RAD50: variants seen among roughly 807,000 people sequenced by gnomAD.
RAD50 encodes RAD50 double strand break repair protein.
In RAD50, 132 loss-of-function variants were observed where a neutral mutation model predicts 168.8. The observed-to-expected ratio is 0.78, with a 90% CI of 0.68 to 0.90. The LOEUF (loss-of-function observed/expected upper bound fraction) is 0.90, where lower values mean the gene tolerates loss of function less well. RAD50 is among the 40% of genes least tolerant of loss of function. RAD50 has a pLI of 0.00. For missense variants in RAD50, 1,347 were observed against 1,534.4 expected (o/e 0.88, Z 2.04); for synonymous variants, 525 against 497.4 (o/e 1.06, Z -0.74).
At chr5:132,593,260 C>T (rs1750736271) in intron 11 of RAD50, 1 of 170,568 alleles carries the variant, frequency 5.9e-6, no homozygotes, top group African/African-American at 2.4e-5. Flanking sequence ...AATTGGGGCT[C>T]TTTTCAAACT....
At chr5:132,614,946 C>T (rs1217240269) in intron 19 of RAD50, among the ~76,000 whole-genome samples, 1 of 152,154 alleles carries the variant, frequency 6.6e-6, no homozygotes, top group Admixed American at 6.5e-5. Context: ...CTGGCCTTTA[C>T]TGTTGGTGCA....
chr5:132,580,867 T>C (rs1750492245), intron 5 of RAD50, among the ~76,000 whole-genome samples: 1 of 152,172 alleles, frequency 6.6e-6, no homozygotes, highest in Non-Finnish European at 1.5e-5. Flanking sequence ...AGATAGTAGA[T>C]TTTTTAAAGT....
At chr5:132,636,358 C>T (rs1451744118) in intron 21 of RAD50, among the ~76,000 whole-genome samples, 1 of 152,124 alleles carries the variant, frequency 6.6e-6, no homozygotes, top group East Asian at 1.9e-4. Flanking sequence ...GAGTTGAGGA[C>T]AGGGACATGT....
chr5:132,576,148 C>A (rs1411603429), intron 3 of RAD50, among the ~76,000 whole-genome samples: 3 of 152,162 alleles, frequency 2.0e-5, no homozygotes, highest in Non-Finnish European at 4.4e-5. Flanking sequence ...ACAGCCTCCT[C>A]CACTATGAAC....
intron 13 of RAD50, among the ~76,000 whole-genome samples, chr5:132,601,992 TA>T (rs553759738): frequency 1.1e-3 from 165 of 152,002 alleles, no homozygotes; most frequent in African/African-American, 3.6e-3. Flanking sequence ...GGTGGGGGGC[TA>T]GGGGAGGGAT....
chr5:132,641,691 G>A (rs1751724564), intron 24 of RAD50: 1 of 159,994 alleles, frequency 6.3e-6, no homozygotes, highest in African/African-American at 2.4e-5. Context: ...GTGACTGGTG[G>A]TGGCAGAATT....
At chr5:132,613,114 C>T (rs1364596713) in intron 19 of RAD50, among the ~76,000 whole-genome samples, 4 of 151,884 alleles carry the variant, frequency 2.6e-5, no homozygotes. Flanking sequence ...TTTTATGTTT[C>T]CATAGGTGAC....
At chr5:132,568,584 G>A (rs1750249755) in intron 2 of RAD50, among the ~76,000 whole-genome samples, 1 of 152,152 alleles carries the variant, frequency 6.6e-6, no homozygotes, top group Non-Finnish European at 1.5e-5. Context: ...CTTAAAAACA[G>A]GTGGAGGAAA....
intron 2 of RAD50, among the ~76,000 whole-genome samples, chr5:132,563,255 A>C (rs115731452): frequency 2.4e-3 from 365 of 152,280 alleles, no homozygotes; most frequent in African/African-American, 8.6e-3. Context: ...AGGAGAGGGG[A>C]TAATTACAGA....
Position 132,645,933 on chromosome 5 carries a change from A to T in RAD50, c.*3569A>T, listed in dbSNP as rs1047747395. 2.6e-5 allele frequency: 4 copies of T among 152,054 alleles called. No homozygotes were observed. Among genetic ancestry groups the T allele is most frequent in the Admixed American group, 6.6e-5 (1 of 15,266 alleles). 9.4% of individuals were successfully genotyped at this position (152,054 alleles called of 1,614,324 possible). ...CATCCCATCTTTACATAAAATTTTT[A>T]AAAAATTAGCAAGGCATGGTGGTGC... is the stretch of plus-strand genomic sequence containing the variant. On this transcript the variant is annotated 3_prime_UTR_variant, in exon 25 of 25. Coordinates refer to ENST00000378823, the MANE Select transcript of RAD50 (RefSeq NM_005732.4).
chr5:132,595,519 A>C, intron 12 of RAD50, 54 bp from the exon 13 acceptor site: 1 of 1,155,658 alleles, frequency 8.7e-7, no homozygotes, highest in South Asian at 1.3e-5. Flanking sequence ...TATTCAGAAT[A>C]CTGTATTTTA....
At chr5:132,601,826 A>G (rs916120864) in intron 13 of RAD50, among the ~76,000 whole-genome samples, 24 of 152,214 alleles carry the variant, frequency 1.6e-4, no homozygotes, top group African/African-American at 2.9e-4. Context: ...TGTCCCTTGC[A>G]GGGACATGGA....
At chr5:132,567,596 T>C (rs189612034) in intron 2 of RAD50, among the ~76,000 whole-genome samples, 20 of 152,310 alleles carry the variant, frequency 1.3e-4, no homozygotes, top group Admixed American at 1.1e-3. Context: ...TTTGAGTCTT[T>C]GGCCAAATAC....
chr5:132,560,046 A>AAT (rs1463177038), intron 2 of RAD50, among the ~76,000 whole-genome samples: 11 of 144,532 alleles, frequency 7.6e-5, no homozygotes, highest in African/African-American at 3.1e-4. Context: ...GAAGTGAAAC[A>AAT]ACAATACACA....
At chr5:132,607,046 T>C (rs904839689) in intron 16 of RAD50, among the ~76,000 whole-genome samples, 1 of 152,226 alleles carries the variant, frequency 6.6e-6, no homozygotes, top group Non-Finnish European at 1.5e-5. Flanking sequence ...AGCATTCCCT[T>C]TGAAAACCAG....
intron 9 of RAD50, 85 bp from the exon 10 acceptor site, chr5:132,591,139 A>G (rs1290388145): frequency 2.3e-6 from 3 of 1,315,356 alleles, no homozygotes; most frequent in East Asian, 4.6e-5. Flanking sequence ...TCTGAGGAGT[A>G]GTTAATTTCT....
chr5:132,588,663 A>G (rs1375510999), intron 7 of RAD50, 24 bp from the exon 8 acceptor site: 3 of 1,604,660 alleles, frequency 1.9e-6, no homozygotes, highest in East Asian at 2.2e-5. Context: ...TGAAAAAAAA[A>G]TTATGAGATT....
At chr5:132,567,444 G>A (rs529388295) in intron 2 of RAD50, among the ~76,000 whole-genome samples, 6 of 152,194 alleles carry the variant, frequency 3.9e-5, no homozygotes, top group Non-Finnish European at 8.8e-5. Context: ...CCAGTAGAGA[G>A]CTGGGCAGAA....
chr5:132,594,832 A>G (rs1399889439), intron 11 of RAD50, 37 bp from the exon 12 acceptor site: 4 of 1,566,492 alleles, frequency 2.6e-6, no homozygotes, highest in Admixed American at 1.7e-5. Context: ...AATTTCTCCT[A>G]TTTTAAAATG....
Sources: allele counts gnomAD v4.1 joint callset (sites outside exome capture counted in the v4.1 genomes callset), GRCh38; gene constraint gnomAD v4.1.1; transcripts MANE v1.5; gene names NCBI Gene and HGNC (gene_info 2026-07-23, HGNC 2026-07-21).